Variants in PKHD1 observed in about 807,000 individuals in gnomAD.
PKHD1 encodes the protein fibrocystin.
PKHD1 carries 291 observed loss-of-function variants against 412.0 expected under a neutral mutation model. The ratio of observed to expected loss-of-function variants is 0.71; its 90% CI spans 0.64 to 0.78. The LOEUF is 0.78. Ranked by LOEUF, PKHD1 falls within the 30% of genes least tolerant of loss-of-function variation. The pLI, the probability that PKHD1 is intolerant of heterozygous loss-of-function variation, is 0.00. For synonymous variants in PKHD1, 1,777 were observed against 1,821.5 expected (o/e 0.98, Z 0.62); for missense variants, 4,825 against 4,950.7 (o/e 0.97, Z 0.76).
chr6:51,662,066 A>T (rs1314431453), intron 60 of PKHD1, among the ~76,000 whole-genome samples: 1 of 152,026 alleles, frequency 6.6e-6, no homozygotes, highest in Non-Finnish European at 1.5e-5. Flanking sequence ...AAAAGTCACA[A>T]GGAAAACTAT....
intron 34 of PKHD1, among the ~76,000 whole-genome samples, chr6:52,011,641 C>A (rs1158165518): frequency 2.0e-5 from 3 of 152,160 alleles, no homozygotes; most frequent in African/African-American, 7.2e-5. Flanking sequence ...CATGTCAAAC[C>A]CTACCATCTT....
intron 63 of PKHD1, among the ~76,000 whole-genome samples, chr6:51,643,996 A>C (rs936427412): frequency 6.6e-5 from 10 of 152,180 alleles, no homozygotes; most frequent in Non-Finnish European, 1.2e-4. Flanking sequence ...AATTGAAAAG[A>C]GAGTGGGAAA....
At chr6:52,012,857 G>C (rs1461671830) in intron 34 of PKHD1, among the ~76,000 whole-genome samples, 1 of 152,130 alleles carries the variant, frequency 6.6e-6, no homozygotes, top group Admixed American at 6.6e-5. Context: ...TTCGTAAATC[G>C]GTTTCCAGAT....
At chr6:51,964,263 A>G (rs1792487327) in intron 35 of PKHD1, among the ~76,000 whole-genome samples, 1 of 152,106 alleles carries the variant, frequency 6.6e-6, no homozygotes, top group Non-Finnish European at 1.5e-5. Flanking sequence ...GGCAAAGCAA[A>G]GACCTATTTG....
chr6:51,912,731 T>C (rs1783153728), intron 37 of PKHD1, among the ~76,000 whole-genome samples, 155 bp from the exon 38 acceptor site: 1 of 152,060 alleles, frequency 6.6e-6, no homozygotes, highest in Non-Finnish European at 1.5e-5. Context: ...CACTAATTTT[T>C]TTATATTAGT....
chr6:51,720,845 A>G (rs1781839123), intron 60 of PKHD1: 1 of 272,562 alleles, frequency 3.7e-6, no homozygotes, highest in East Asian at 1.8e-4. Context: ...GAGGGCAGAG[A>G]TTATGTCATT....
chr6:52,053,972 G>T, intron 20 of PKHD1, 66 bp downstream of exon 20: 1 of 1,557,612 alleles, frequency 6.4e-7, no homozygotes, highest in Non-Finnish European at 8.9e-7. Flanking sequence ...GTGGGTAACT[G>T]TCCCCAAAAC....
chr6:51,644,466 G>A (rs1769817430), intron 63 of PKHD1, among the ~76,000 whole-genome samples: 1 of 152,110 alleles, frequency 6.6e-6, no homozygotes, highest in Admixed American at 6.6e-5. Context: ...TATATTTTAT[G>A]GGAACCATCT....
chr6:51,924,714 T>C (rs1315945359), intron 37 of PKHD1, among the ~76,000 whole-genome samples: 2 of 152,172 alleles, frequency 1.3e-5, no homozygotes, highest in African/African-American at 4.8e-5. Context: ...GACTTAGTGA[T>C]GGACATGATA....
At chr6:51,666,387 C>A (rs1434036030) in intron 60 of PKHD1, among the ~76,000 whole-genome samples, 1 of 152,046 alleles carries the variant, frequency 6.6e-6, no homozygotes, top group East Asian at 1.9e-4. Flanking sequence ...CATATAACAA[C>A]AATGTTGTAA....
At chr6:51,755,118 G>A (rs1786749590) in intron 55 of PKHD1, among the ~76,000 whole-genome samples, 180 bp from the exon 56 acceptor site, 1 of 152,128 alleles carries the variant, frequency 6.6e-6, no homozygotes. Flanking sequence ...AGCTAATGGA[G>A]TCAGTTTTCT....
At chr6:52,004,214 A>G (rs1382987777) in intron 35 of PKHD1, among the ~76,000 whole-genome samples, 1 of 151,800 alleles carries the variant, frequency 6.6e-6, no homozygotes, top group Non-Finnish European at 1.5e-5. Context: ...TTCAGTTTGG[A>G]TAGCTTTGAT....
In PKHD1 at chr6:52,054,024, C is replaced by T. The variant is rs758783256; in HGVS notation, c.1964+14G>A. ...TGACTGAATTCCCACCACGCCTCCCCACCGATTAGCTACCTCTCGGGGCTG... is the reference window on the plus strand; with the variant it reads ...TGACTGAATTCCCACCACGCCTCCCTACCGATTAGCTACCTCTCGGGGCTG... On this transcript the variant is annotated intron_variant, in intron 20 of 66. Transcript: ENST00000371117. 14 of 1,613,652 alleles carry T rather than the reference C, an allele frequency of 8.7e-6. No individual in the cohort carries two copies. The South Asian group carries it at 1.4e-4, about 16-fold the overall frequency.
intron 4 of PKHD1, among the ~76,000 whole-genome samples, chr6:52,080,248 G>A (rs868689198): frequency 6.6e-6 from 1 of 152,116 alleles, no homozygotes; most frequent in African/African-American, 2.4e-5. Flanking sequence ...TTTTTAATAT[G>A]TCATGTTTCT....
intron 60 of PKHD1, among the ~76,000 whole-genome samples, chr6:51,738,695 CCTGT>C (rs1292245496): frequency 6.6e-6 from 1 of 152,112 alleles, no homozygotes; most frequent in Non-Finnish European, 1.5e-5. Flanking sequence ...GAGGCTGGCT[CCTGT>C]CTATCTGCAA....
chr6:51,638,114 T>C (rs945306532), intron 64 of PKHD1, among the ~76,000 whole-genome samples: 3 of 152,176 alleles, frequency 2.0e-5, no homozygotes. Flanking sequence ...CTGAAACAAT[T>C]TTTATATAGT....
chr6:52,037,028 A>G (rs1390473180), intron 27 of PKHD1, among the ~76,000 whole-genome samples: 2 of 152,210 alleles, frequency 1.3e-5, no homozygotes, highest in East Asian at 3.8e-4. Flanking sequence ...CATATCTTAT[A>G]CAGTAACTAT....
At chr6:51,937,403 G>A (rs1787684762) in intron 36 of PKHD1, among the ~76,000 whole-genome samples, 1 of 152,258 alleles carries the variant, frequency 6.6e-6, no homozygotes, top group Non-Finnish European at 1.5e-5. Flanking sequence ...ACTGAAATTT[G>A]GCTCAGAATT....
chr6:52,017,831 A>AT (rs1800784391), intron 33 of PKHD1, among the ~76,000 whole-genome samples: 1 of 152,246 alleles, frequency 6.6e-6, no homozygotes, highest in Non-Finnish European at 1.5e-5. Context: ...AATAATCATC[A>AT]TAAAAAAAAC....
Sources: gnomAD v4.1 joint callset for allele counts (sites outside exome capture counted in the v4.1 genomes callset) on GRCh38, gnomAD v4.1.1 for gene constraint, MANE v1.5 for transcripts, NCBI Gene and HGNC (gene_info 2026-07-23, HGNC 2026-07-21) for gene names.